Variants in EBF2 observed in about 807,000 individuals in gnomAD.
The protein encoded by EBF2 is transcription factor COE2.
Under a neutral mutation model 72.8 loss-of-function variants are expected in EBF2, and 21 were observed. The ratio of observed to expected loss-of-function variants is 0.29; its 90% confidence interval spans 0.20 to 0.42. EBF2 has a LOEUF of 0.42. Among genes scored for constraint, EBF2 ranks in the 10% least tolerant of loss-of-function variants. The probability of loss-of-function intolerance (pLI) is 1.00; values close to 1 mark genes in which losing one functional copy is unlikely to be tolerated. For synonymous variants in EBF2, 299 were observed against 274.2 expected (o/e 1.09, Z -0.89); for missense variants, 637 against 731.2 (o/e 0.87, Z 1.49).
intron 6 of EBF2, among the ~76,000 whole-genome samples, chr8:25,961,653 G>T (rs922244424): frequency 2.6e-5 from 4 of 152,102 alleles, no homozygotes; most frequent in Admixed American, 1.3e-4. Context: ...GAACTACCGC[G>T]CCCAGCCCTA....
At chr8:25,898,602 CAACT>C (rs1563393135) in intron 7 of EBF2, among the ~76,000 whole-genome samples, 3 of 152,076 alleles carry the variant, frequency 2.0e-5, no homozygotes, top group African/African-American at 7.3e-5. Context: ...TTACTTTTCC[CAACT>C]AAAATTTGTG....
chr8:25,899,463 A>T (rs1272428854), intron 7 of EBF2, among the ~76,000 whole-genome samples: 1 of 152,174 alleles, frequency 6.6e-6, no homozygotes, highest in East Asian at 1.9e-4. Context: ...GAAAGATGTG[A>T]ACTGAAGAAA....
chr8:26,003,898 C>T (rs1023122534), intron 6 of EBF2, among the ~76,000 whole-genome samples: 3 of 152,200 alleles, frequency 2.0e-5, no homozygotes, highest in South Asian at 2.1e-4. Context: ...AAAGTGCTCG[C>T]TCCTGCCAGC....
At chr8:25,942,200 G>C (rs1803686531) in intron 6 of EBF2, among the ~76,000 whole-genome samples, 1 of 152,178 alleles carries the variant, frequency 6.6e-6, no homozygotes, top group South Asian at 2.1e-4. Flanking sequence ...CCTTCCCATT[G>C]GAAAACTAGA....
At chr8:25,868,127 G>A (rs1243649197) in intron 10 of EBF2, among the ~76,000 whole-genome samples, 1 of 152,038 alleles carries the variant, frequency 6.6e-6, no homozygotes, top group Non-Finnish European at 1.5e-5. Context: ...GTAATTTTCT[G>A]ATTAGTCCTA....
chr8:25,916,335 A>T (rs1175295863), intron 6 of EBF2, among the ~76,000 whole-genome samples: 1 of 151,794 alleles, frequency 6.6e-6, no homozygotes, highest in Non-Finnish European at 1.5e-5. Context: ...AAACAACAAC[A>T]ACAAAAAAAC....
At chr8:25,844,774 T>G in intron 15 of EBF2, 134 bp from the exon 16 acceptor site, 1 of 1,113,944 alleles carries the variant, frequency 9.0e-7, no homozygotes, top group South Asian at 1.4e-5. Flanking sequence ...TCAGCTGATA[T>G]GAGGACCTGT....
intron 6 of EBF2, among the ~76,000 whole-genome samples, chr8:25,969,191 G>T (rs1355154526): frequency 6.6e-6 from 1 of 152,164 alleles, no homozygotes; most frequent in Non-Finnish European, 1.5e-5. Flanking sequence ...GAAGATTTAG[G>T]TTCAGTTCTG....
intron 6 of EBF2, among the ~76,000 whole-genome samples, chr8:26,019,008 G>A (rs1418209744): frequency 2.6e-5 from 4 of 151,252 alleles, no homozygotes; most frequent in Non-Finnish European, 4.4e-5. Context: ...CACTTTGCAG[G>A]CAACATACTA....
chr8:25,923,516 A>T (rs1803338603), intron 6 of EBF2, among the ~76,000 whole-genome samples: 1 of 152,230 alleles, frequency 6.6e-6, no homozygotes, highest in Non-Finnish European at 1.5e-5. Context: ...GTAAATGTAT[A>T]CACATATATG....
chr8:26,018,791 G>A (rs904227686), intron 6 of EBF2, among the ~76,000 whole-genome samples: 2 of 152,060 alleles, frequency 1.3e-5, no homozygotes, highest in African/African-American at 4.8e-5. Context: ...AGAGGTCCCT[G>A]AGCTTGGATA....
intron 6 of EBF2, among the ~76,000 whole-genome samples, chr8:26,002,233 G>A (rs542397774): frequency 1.3e-5 from 2 of 152,292 alleles, no homozygotes; most frequent in South Asian, 4.1e-4. Context: ...AAGTCTGCTG[G>A]TGGGGTGAGG....
At chr8:25,994,462 T>C (rs1304832794) in intron 6 of EBF2, among the ~76,000 whole-genome samples, 2 of 152,198 alleles carry the variant, frequency 1.3e-5, no homozygotes, top group East Asian at 1.9e-4. Context: ...ATACATTCTA[T>C]TCTACTGTAA....
intron 6 of EBF2, among the ~76,000 whole-genome samples, chr8:25,985,961 C>A (rs1000332219): frequency 3.1e-5 from 4 of 130,314 alleles, no homozygotes; most frequent in Non-Finnish European, 6.2e-5. Flanking sequence ...GTGATCACAC[C>A]ACTGCACACC....
intron 14 of EBF2, among the ~76,000 whole-genome samples, chr8:25,856,606 A>C (rs993513875): frequency 1.3e-5 from 2 of 152,202 alleles, no homozygotes; most frequent in Non-Finnish European, 2.9e-5. Context: ...TTGTTAATTC[A>C]TCTTATTGTT....
chr8:25,933,714 A>G (rs1803520899), intron 6 of EBF2, among the ~76,000 whole-genome samples: 1 of 152,192 alleles, frequency 6.6e-6, no homozygotes, highest in Non-Finnish European at 1.5e-5. Context: ...ATGATATACA[A>G]AGAAATACTA....
chr8:26,020,055 G>C (rs1038107135), intron 6 of EBF2, among the ~76,000 whole-genome samples: 1 of 152,170 alleles, frequency 6.6e-6, no homozygotes, highest in Non-Finnish European at 1.5e-5. Flanking sequence ...ACAGGATGGA[G>C]AAAGATAAGA....
chr8:26,005,557 T>G (rs186353629), intron 6 of EBF2, among the ~76,000 whole-genome samples: 11,787 of 44,920 alleles, frequency 0.26, 1,338 homozygotes, highest in Non-Finnish European at 0.28. Flanking sequence ...TATATATATA[T>G]ATATAGAGAG....
At chr8:25,977,899 A>G (rs1196819813) in intron 6 of EBF2, among the ~76,000 whole-genome samples, 1 of 152,236 alleles carries the variant, frequency 6.6e-6, no homozygotes, top group Non-Finnish European at 1.5e-5. Flanking sequence ...GAAGGGGGAT[A>G]AGTTAGGGAT....
Sources: allele counts gnomAD v4.1 joint callset (sites outside exome capture counted in the v4.1 genomes callset), GRCh38; gene constraint gnomAD v4.1.1; transcripts MANE v1.5; gene names NCBI Gene and HGNC (gene_info 2026-07-23, HGNC 2026-07-21).